ENOX1: variants seen among roughly 807,000 people sequenced by gnomAD.
The protein encoded by ENOX1 is candidate growth-related and time keeping constitutive hydroquinone (NADH) oxidase.
Under a neutral mutation model 82.5 loss-of-function variants are expected in ENOX1, and 42 were observed. The ratio of observed to expected loss-of-function variants is 0.51; its 90% CI spans 0.40 to 0.66. ENOX1 has a LOEUF of 0.66. Among genes scored for constraint, ENOX1 ranks in the 30% least tolerant of loss-of-function variants. The probability of loss-of-function intolerance (pLI) is 0.00; values close to 1 mark genes in which losing one functional copy is unlikely to be tolerated. For synonymous variants in ENOX1, 271 were observed against 282.2 expected (o/e 0.96, Z 0.40); for missense variants, 608 against 811.6 (o/e 0.75, Z 3.05).
intron 2 of ENOX1, among the ~76,000 whole-genome samples, chr13:43,487,552 G>A (rs986999822): frequency 1.4e-4 from 22 of 152,166 alleles, no homozygotes; most frequent in Non-Finnish European, 2.4e-4. Context: ...AGAGGTACAC[G>A]ATCCCATGGG....
chr13:43,247,038 T>C (rs1593510601), intron 14 of ENOX1, among the ~76,000 whole-genome samples: 1 of 152,110 alleles, frequency 6.6e-6, no homozygotes, highest in South Asian at 2.1e-4. Flanking sequence ...GTATTGCCTC[T>C]AGGCTGGGTG....
intron 2 of ENOX1, among the ~76,000 whole-genome samples, chr13:43,569,896 T>C (rs1277756883): frequency 6.6e-6 from 1 of 152,200 alleles, no homozygotes; most frequent in Non-Finnish European, 1.5e-5. Flanking sequence ...CTGGAAAAAG[T>C]TAATCATTCC....
intron 15 of ENOX1, among the ~76,000 whole-genome samples, chr13:43,235,861 C>T (rs1362149898): frequency 6.6e-6 from 1 of 152,182 alleles, no homozygotes; most frequent in East Asian, 1.9e-4. Flanking sequence ...GAGCCAGTCT[C>T]ACCTGGCAAC....
intron 9 of ENOX1, among the ~76,000 whole-genome samples, chr13:43,329,566 A>G (rs1261255571): frequency 2.0e-5 from 3 of 152,214 alleles, no homozygotes; most frequent in Admixed American, 6.5e-5. Context: ...GGGTTCAGAA[A>G]GAAGTCAGAA....
At chr13:43,340,876 G>T (rs900365771) in intron 9 of ENOX1, among the ~76,000 whole-genome samples, 1 of 152,092 alleles carries the variant, frequency 6.6e-6, no homozygotes, top group Non-Finnish European at 1.5e-5. Flanking sequence ...ATGTTATAAG[G>T]CTTGATATAT....
At chr13:43,534,921 C>A (rs2078386989) in intron 2 of ENOX1, among the ~76,000 whole-genome samples, 3 of 152,186 alleles carry the variant, frequency 2.0e-5, no homozygotes, top group Non-Finnish European at 4.4e-5. Flanking sequence ...CAAATGCATG[C>A]TTCTGGATCC....
At chr13:43,733,478 G>A (rs537779434) in intron 1 of ENOX1, among the ~76,000 whole-genome samples, 1 of 152,340 alleles carries the variant, frequency 6.6e-6, no homozygotes, top group Non-Finnish European at 1.5e-5. Context: ...AGGCATTAGA[G>A]TAAGCCACAT....
intron 1 of ENOX1, among the ~76,000 whole-genome samples, chr13:43,752,585 G>A (rs992640164): frequency 6.6e-6 from 1 of 151,904 alleles, no homozygotes; most frequent in African/African-American, 2.4e-5. Context: ...TTCATTTTTT[G>A]CTTATGGATA....
intron 2 of ENOX1, among the ~76,000 whole-genome samples, chr13:43,660,670 T>C (rs1303330439): frequency 2.6e-5 from 4 of 152,172 alleles, no homozygotes; most frequent in African/African-American, 7.2e-5. Context: ...GGTCCTTAAA[T>C]TGATAATTAA....
At chr13:43,257,082 C>T (rs1417024604) in intron 14 of ENOX1, among the ~76,000 whole-genome samples, 1 of 152,154 alleles carries the variant, frequency 6.6e-6, no homozygotes, top group Non-Finnish European at 1.5e-5. Flanking sequence ...CACGTGTTCT[C>T]ACTCGTATGC....
At chr13:43,411,259 A>G (rs1199591363) in intron 5 of ENOX1, among the ~76,000 whole-genome samples, 1 of 152,110 alleles carries the variant, frequency 6.6e-6, no homozygotes, top group Non-Finnish European at 1.5e-5. Flanking sequence ...TATTTATTCT[A>G]TTTCTCAAAG....
chr13:43,280,747 C>G (rs1566410233), intron 12 of ENOX1, among the ~76,000 whole-genome samples: 2 of 152,176 alleles, frequency 1.3e-5, no homozygotes, highest in South Asian at 4.1e-4. Context: ...CCCAATTTTT[C>G]TTTGTTAATA....
chr13:43,558,082 A>C (rs9533527), intron 2 of ENOX1, among the ~76,000 whole-genome samples: 58,104 of 152,006 alleles, frequency 0.38, 11,964 homozygotes, highest in East Asian at 0.77. Flanking sequence ...GCTACTTGGA[A>C]GGCTGCTTCT....
At chr13:43,495,837 T>C (rs2076774550) in intron 2 of ENOX1, among the ~76,000 whole-genome samples, 1 of 151,966 alleles carries the variant, frequency 6.6e-6, no homozygotes, top group Admixed American at 6.6e-5. Flanking sequence ...CACCAATGTT[T>C]GGTGAGCTCA....
chr13:43,635,977 G>C (rs968158896), intron 2 of ENOX1, among the ~76,000 whole-genome samples: 4 of 152,198 alleles, frequency 2.6e-5, no homozygotes, highest in Non-Finnish European at 4.4e-5. Context: ...TCATGGGACT[G>C]ACCTTCTGGG....
At chr13:43,631,501 G>A (rs2083215817) in intron 2 of ENOX1, among the ~76,000 whole-genome samples, 2 of 152,138 alleles carry the variant, frequency 1.3e-5, no homozygotes, top group Admixed American at 6.5e-5. Context: ...CTAGGAATCG[G>A]GAAACTGAGT....
At chr13:43,250,787 C>G (rs550396854) in intron 14 of ENOX1, among the ~76,000 whole-genome samples, 1 of 152,190 alleles carries the variant, frequency 6.6e-6, no homozygotes, top group East Asian at 1.9e-4. Flanking sequence ...ATAGGGCAGC[C>G]AGCTATGTAA....
intron 3 of ENOX1, among the ~76,000 whole-genome samples, chr13:43,468,063 C>T (rs1302676704): frequency 1.3e-5 from 2 of 152,126 alleles, no homozygotes; most frequent in African/African-American, 2.4e-5. Flanking sequence ...CTTGATTACT[C>T]TAGCTTTGTA....
chr13:43,690,888 A>G (rs551236413), intron 1 of ENOX1, among the ~76,000 whole-genome samples: 1 of 152,352 alleles, frequency 6.6e-6, no homozygotes, highest in Non-Finnish European at 1.5e-5. Flanking sequence ...AGAACCTCTC[A>G]GCTAGTCTGA....
Sources: gnomAD v4.1 joint callset for allele counts (sites outside exome capture counted in the v4.1 genomes callset) on GRCh38, gnomAD v4.1.1 for gene constraint, MANE v1.5 for transcripts, NCBI Gene and HGNC (gene_info 2026-07-23, HGNC 2026-07-21) for gene names.